Variants in SORCS2 observed in about 807,000 individuals in gnomAD.
SORCS2 encodes the protein sortilin related VPS10 domain containing receptor 2, also known as VPS10 domain-containing receptor SorCS2.
A neutral mutation model predicts 141.6 loss-of-function variants in SORCS2; 100 were observed. The observed-to-expected ratio is 0.71, with a 90% CI of 0.60 to 0.83. The LOEUF is 0.83. Among genes scored for constraint, SORCS2 ranks in the 40% least tolerant of loss-of-function variants. SORCS2 has a pLI of 0.00. For synonymous variants in SORCS2, 789 were observed against 676.9 expected (o/e 1.17, Z -2.57); for missense variants, 1,646 against 1,560.2 (o/e 1.05, Z -0.93).
intron 2 of SORCS2, among the ~76,000 whole-genome samples, chr4:7,490,664 G>A (rs760871611): frequency 5.9e-5 from 9 of 152,266 alleles, no homozygotes; most frequent in South Asian, 2.1e-4. Context: ...TCCATGCACC[G>A]TCCGTCCTGG....
At chr4:7,518,612 C>T (rs757120422) in intron 2 of SORCS2, among the ~76,000 whole-genome samples, 28 of 152,276 alleles carry the variant, frequency 1.8e-4, no homozygotes, top group Non-Finnish European at 2.8e-4. Context: ...CTGGGGACAA[C>T]GTGGGGCCAG....
At chr4:7,600,068 C>G (rs1158899130) in intron 3 of SORCS2, among the ~76,000 whole-genome samples, 2 of 152,054 alleles carry the variant, frequency 1.3e-5, no homozygotes, top group Non-Finnish European at 2.9e-5. Flanking sequence ...GTGATCCACC[C>G]ACCTTGGCCT....
intron 3 of SORCS2, among the ~76,000 whole-genome samples, chr4:7,588,543 T>C (rs578229794): frequency 1.3e-5 from 2 of 152,268 alleles, no homozygotes; most frequent in African/African-American, 2.4e-5. Context: ...ACTTGGAGGA[T>C]CAAGTTCCCT....
chr4:7,415,150 G>A (rs112717744), intron 2 of SORCS2, among the ~76,000 whole-genome samples: 66 of 152,334 alleles, frequency 4.3e-4, no homozygotes, highest in African/African-American at 1.4e-3. Context: ...TAAGTGCATA[G>A]GCTGGTGGCC....
intron 3 of SORCS2, among the ~76,000 whole-genome samples, chr4:7,580,471 C>T (rs192897685): frequency 1.2e-4 from 18 of 151,278 alleles, no homozygotes; most frequent in African/African-American, 4.4e-4. Flanking sequence ...GCCTATGTGA[C>T]ACAGCAAGAC....
At chr4:7,426,855 C>T (rs1726477216) in intron 2 of SORCS2, among the ~76,000 whole-genome samples, 1 of 152,198 alleles carries the variant, frequency 6.6e-6, no homozygotes, top group Admixed American at 6.5e-5. Context: ...AACGTCTGGC[C>T]TCCCAGAATC....
At chr4:7,331,360 C>T (rs1308764879) in intron 1 of SORCS2, among the ~76,000 whole-genome samples, 1 of 152,064 alleles carries the variant, frequency 6.6e-6, no homozygotes, top group Non-Finnish European at 1.5e-5. Flanking sequence ...AGTCACCCTA[C>T]AGCAAGGCAG....
chr4:7,724,910 TTGGTGGGAATGGATGGTGGTAGTAG>T (rs1727075764), intron 19 of SORCS2, among the ~76,000 whole-genome samples: 1 of 28,412 alleles, frequency 3.5e-5, no homozygotes, highest in African/African-American at 1.7e-4. Context: ...GGTGATAGTA[TTGGTGGGAATGGATGGTGGTAGTAG>T]TGGTGATGGT....
intron 3 of SORCS2, among the ~76,000 whole-genome samples, chr4:7,623,952 C>T (rs546092350): frequency 2.0e-5 from 3 of 152,194 alleles, no homozygotes; most frequent in Non-Finnish European, 4.4e-5. Flanking sequence ...ACCCCACCAA[C>T]CCCTAAGCCA....
At chr4:7,452,321 T>C (rs1042332648) in intron 2 of SORCS2, among the ~76,000 whole-genome samples, 2 of 152,146 alleles carry the variant, frequency 1.3e-5, no homozygotes, top group South Asian at 2.1e-4. Flanking sequence ...TTGTATTTTT[T>C]AGTAGAGACA....
chr4:7,231,381 G>C (rs1711871194), intron 1 of SORCS2, among the ~76,000 whole-genome samples: 1 of 152,198 alleles, frequency 6.6e-6, no homozygotes, highest in Non-Finnish European at 1.5e-5. Flanking sequence ...CACCCCTGCA[G>C]AAATACCCAG....
At chr4:7,739,537 C>T (rs751311848) in intron 26 of SORCS2, among the ~76,000 whole-genome samples, 20 of 152,226 alleles carry the variant, frequency 1.3e-4, no homozygotes, top group Non-Finnish European at 2.4e-4. Context: ...GTCTGACCCA[C>T]GCCAGTCCTT....
chr4:7,613,468 C>T lies in SORCS2; in HGVS notation c.649-24860C>T, dbSNP rs17368264. On this transcript the variant is annotated intron_variant, in intron 3 of 26. Coordinates refer to ENST00000507866, the MANE Select transcript of SORCS2 (RefSeq NM_020777.3). The stretch of plus-strand genomic sequence containing the variant: ...CGCCCTCCACCCAGAAGCAATAAGT[C>T]CCCATTCACTGAGGTGTAATAAGGC... Among the ~76,000 whole-genome samples, 14 of 152,156 alleles carry T rather than the reference C, an allele frequency of 9.2e-5. No individual in the cohort carries two copies. The East Asian group carries it at 2.7e-3, about 29-fold the overall frequency.
At chr4:7,413,336 C>A (rs182069854) in intron 2 of SORCS2, among the ~76,000 whole-genome samples, 33 of 149,752 alleles carry the variant, frequency 2.2e-4, no homozygotes, top group African/African-American at 7.8e-4. Flanking sequence ...ATTTAGAATT[C>A]CAATTGAATT....
chr4:7,613,913 C>G (rs1718584081), intron 3 of SORCS2, among the ~76,000 whole-genome samples: 1 of 152,060 alleles, frequency 6.6e-6, no homozygotes, highest in Non-Finnish European at 1.5e-5. Context: ...CCTATCCACT[C>G]ATCAAACATC....
At chr4:7,396,730 A>G (rs1324086300) in intron 2 of SORCS2, among the ~76,000 whole-genome samples, 2 of 152,196 alleles carry the variant, frequency 1.3e-5, no homozygotes, top group Non-Finnish European at 2.9e-5. Flanking sequence ...GGAGCCCACC[A>G]AAGGCTCTGA....
intron 2 of SORCS2, among the ~76,000 whole-genome samples, chr4:7,448,734 C>A (rs116599178): frequency 0.5 from 43,877 of 87,270 alleles, 12,993 homozygotes; most frequent in East Asian, 0.78. Context: ...CCCTCCCTTC[C>A]GTACTTCCTC....
intron 1 of SORCS2, among the ~76,000 whole-genome samples, chr4:7,320,283 A>G (rs1239846059): frequency 2.0e-5 from 3 of 152,262 alleles, no homozygotes; most frequent in Non-Finnish European, 4.4e-5. Context: ...AAGTAAGCTC[A>G]GAGAAAGGCT....
At chr4:7,482,810 C>T (rs1361947037) in intron 2 of SORCS2, among the ~76,000 whole-genome samples, 1 of 148,658 alleles carries the variant, frequency 6.7e-6, no homozygotes, top group African/African-American at 2.6e-5. Flanking sequence ...AGACCTGTAT[C>T]CCCACTGCGG....
Sources: gnomAD v4.1 joint callset for allele counts (sites outside exome capture counted in the v4.1 genomes callset) on GRCh38, gnomAD v4.1.1 for gene constraint, MANE v1.5 for transcripts, NCBI Gene and HGNC (gene_info 2026-07-23, HGNC 2026-07-21) for gene names.